XKR6: variants seen among roughly 807,000 people sequenced by gnomAD.
XKR6 encodes XK-related protein 6.
In XKR6, 22 loss-of-function variants were observed where a neutral mutation model predicts 56.7. The observed-to-expected ratio is 0.39, with a 90% CI of 0.28 to 0.55. The LOEUF is 0.55. Among genes scored for constraint, XKR6 ranks in the 20% least tolerant of loss-of-function variants. XKR6 has a pLI of 0.66. For missense variants in XKR6, 852 were observed against 889.0 expected (o/e 0.96, Z 0.53); for synonymous variants, 524 against 387.8 (o/e 1.35, Z -4.13).
chr8:11,150,681 C>T (rs923524302), intron 1 of XKR6, among the ~76,000 whole-genome samples: 2 of 151,762 alleles, frequency 1.3e-5, no homozygotes. Context: ...GGTGAAACCC[C>T]GTCTCTACTA....
rs1210403903 is a variant in XKR6 at position 10,897,779 on chromosome 8, G to T, written c.*173C>A. 2 of 689,980 alleles carry T rather than the reference G, an allele frequency of 2.9e-6. No individual in the cohort carries two copies. The highest frequency in any genetic ancestry group is 4.4e-6 in the Non-Finnish European group (2 of 455,466). 42.7% of individuals were successfully genotyped at this position (689,980 alleles called of 1,614,324 possible). On this transcript the variant is annotated 3_prime_UTR_variant, in exon 3 of 3. Transcript: ENST00000416569. ...CGACTGGAAAGAAAGCTTATTTGAA[G>T]GGGTTGTGACTTATTAATTCTTTTT...
chr8:11,167,470 T>C (rs2117033641), intron 1 of XKR6, among the ~76,000 whole-genome samples: 1 of 152,250 alleles, frequency 6.6e-6, no homozygotes, highest in East Asian at 1.9e-4. Context: ...AGGCTGGAAG[T>C]GGTTGGCATT....
chr8:11,139,764 C>T (rs1385019964), intron 1 of XKR6, among the ~76,000 whole-genome samples: 1 of 152,226 alleles, frequency 6.6e-6, no homozygotes, highest in South Asian at 2.1e-4. Flanking sequence ...TCTCCCAAGT[C>T]TCCTTCCATG....
intron 1 of XKR6, among the ~76,000 whole-genome samples, chr8:11,115,834 A>G (rs1478661600): frequency 6.6e-6 from 1 of 152,248 alleles, no homozygotes; most frequent in African/African-American, 2.4e-5. Context: ...TTAAAACCAG[A>G]AGAATAAATA....
chr8:10,970,913 C>T (rs1343773314), intron 1 of XKR6, among the ~76,000 whole-genome samples: 1 of 151,492 alleles, frequency 6.6e-6, no homozygotes, highest in African/African-American at 2.4e-5. Context: ...AGGAAGAGGT[C>T]TCTCTCCTAA....
intron 1 of XKR6, among the ~76,000 whole-genome samples, chr8:10,959,564 G>T (rs1009775456): frequency 6.6e-6 from 1 of 152,136 alleles, no homozygotes; most frequent in African/African-American, 2.4e-5. Context: ...GTCCTCACGT[G>T]GTGGAGAGAG....
In XKR6 at chr8:10,898,177, G is replaced by A. The variant is rs1380406118; in HGVS notation, c.1701C>T (p.Pro567=). The A allele has an allele frequency of 6.2e-7, 1 of 1,613,972 alleles. No homozygotes were observed. The highest frequency in any genetic ancestry group is 8.5e-7 in the Non-Finnish European group (1 of 1,179,996). The change falls in exon 3 of 3, where the codon CCC becomes CCT. Residue 567 remains proline (P), a synonymous_variant. Transcript: ENST00000416569. The surrounding 1 kb of genome is among the most constrained non-coding windows in gnomAD (Gnocchi z 6.6). The part of the protein sequence containing the change: ...DTCLPVFQVR[P]MGPPTPLGRP... ...GCCCCAACGGGGTAGGGGGCCCCAT[G>A]GGTCTCACTTGGAAAACAGGCAAGC...
intron 1 of XKR6, among the ~76,000 whole-genome samples, chr8:10,960,129 A>G (rs1802016591): frequency 6.6e-6 from 1 of 152,232 alleles, no homozygotes; most frequent in East Asian, 1.9e-4. Flanking sequence ...AGGAAAACAT[A>G]AAAAGGTCTT....
intron 1 of XKR6, among the ~76,000 whole-genome samples, chr8:10,970,877 T>G (rs1802389266): frequency 6.6e-6 from 1 of 151,656 alleles, no homozygotes; most frequent in Admixed American, 6.6e-5. Context: ...GCCTTTGATA[T>G]GAAGACTGTA....
At chr8:10,985,965 A>G (rs1301612622) in intron 1 of XKR6, among the ~76,000 whole-genome samples, 8 of 152,254 alleles carry the variant, frequency 5.3e-5, no homozygotes. Flanking sequence ...GAAAATGAAC[A>G]AGCAAGAATA....
intron 1 of XKR6, among the ~76,000 whole-genome samples, chr8:10,962,157 G>A (rs1424421258): frequency 6.6e-6 from 1 of 152,200 alleles, no homozygotes; most frequent in Non-Finnish European, 1.5e-5. Flanking sequence ...GCACACAGGG[G>A]ACTTATTTTC....
intron 2 of XKR6, among the ~76,000 whole-genome samples, chr8:10,918,550 T>C (rs1800625938): frequency 6.6e-6 from 1 of 152,140 alleles, no homozygotes; most frequent in Non-Finnish European, 1.5e-5. Context: ...GATTTATCTG[T>C]CTCCTCCAGA....
At chr8:10,937,637 C>T (rs1231362817) in intron 1 of XKR6, among the ~76,000 whole-genome samples, 1 of 150,058 alleles carries the variant, frequency 6.7e-6, no homozygotes, top group Non-Finnish European at 1.5e-5. Context: ...CCCTCAGCTG[C>T]AGGTCTGTTG....
chr8:11,078,144 A>T (rs1757386936), intron 1 of XKR6, among the ~76,000 whole-genome samples: 1 of 152,204 alleles, frequency 6.6e-6, no homozygotes, highest in Non-Finnish European at 1.5e-5. Flanking sequence ...CATGGAGTGT[A>T]CTGGGAAGAC....
At chr8:11,069,051 C>T (rs1311532493) in intron 1 of XKR6, among the ~76,000 whole-genome samples, 1 of 152,046 alleles carries the variant, frequency 6.6e-6, no homozygotes, top group East Asian at 1.9e-4. Context: ...CCGGGCCTTC[C>T]ATGTTTTCCC....
chr8:11,134,307 C>T (rs1401987137), intron 1 of XKR6, among the ~76,000 whole-genome samples: 2 of 152,084 alleles, frequency 1.3e-5, no homozygotes, highest in African/African-American at 2.4e-5. Flanking sequence ...GCCTTAAGGG[C>T]GTGGAAAACA....
intron 1 of XKR6, chr8:11,035,351 C>T: frequency 1.9e-6 from 1 of 534,096 alleles, no homozygotes; most frequent in African/African-American, 1.9e-5. Flanking sequence ...CATGCAGGAG[C>T]CAGGAGATCA....
At chr8:11,080,855 G>T (rs906598191) in intron 1 of XKR6, among the ~76,000 whole-genome samples, 3 of 152,220 alleles carry the variant, frequency 2.0e-5, no homozygotes, top group African/African-American at 4.8e-5. Flanking sequence ...GGTCGAAGCT[G>T]CCAACCTCTT....
At chr8:11,060,775 T>C (rs1166556357) in intron 1 of XKR6, among the ~76,000 whole-genome samples, 1 of 152,216 alleles carries the variant, frequency 6.6e-6, no homozygotes, top group African/African-American at 2.4e-5. Flanking sequence ...TATTACATCC[T>C]GCCCTGCACT....
Sources: gnomAD v4.1 joint callset for allele counts (sites outside exome capture counted in the v4.1 genomes callset) on GRCh38, gnomAD v4.1.1 for gene constraint, Gnocchi (gnomAD v3.1) non-coding constraint, MANE v1.5 for transcripts, NCBI Gene and HGNC (gene_info 2026-07-23, HGNC 2026-07-21) for gene names.